The following DIS3L variants were observed in gnomAD, a reference collection of about 807,000 sequenced individuals.
The protein encoded by DIS3L is DIS3 like exosome 3'-5' exoribonuclease.
Under a neutral mutation model 120.3 loss-of-function variants are expected in DIS3L, and 100 were observed. The observed-to-expected ratio is 0.83, with a 90% confidence interval of 0.71 to 0.98. The LOEUF is 0.98. Ranked by LOEUF, DIS3L falls within the 50% of genes least tolerant of loss-of-function variation. DIS3L has a pLI of 0.00. For synonymous variants in DIS3L, 426 were observed against 470.6 expected, an observed-to-expected ratio of 0.91 and a Z score of 1.23; for missense variants, 1,196 against 1,314.2, an observed-to-expected ratio of 0.91 and a Z score of 1.39.
chr15:66,311,735 C>T lies in DIS3L; in HGVS notation c.570C>T (p.Asp190=). ...VFVITFKNYL[D]NFWPDLKAAH... ...TTTATTAAATACAGAATTACCTGGACAATTTCTGGCCTGATTTAAAAGCTG... is the reference window on the plus strand; with the variant it reads ...TTTATTAAATACAGAATTACCTGGATAATTTCTGGCCTGATTTAAAAGCTG... Residue 190 remains aspartate (D), a synonymous_variant, in exon 5 of 17, where the codon GAC becomes GAT. Coordinates refer to ENST00000319212, the MANE Select transcript of DIS3L (RefSeq NM_001143688.3). 2 of 1,614,026 alleles carry T rather than the reference C, an allele frequency of 1.2e-6. No individual in the cohort carries two copies. Among genetic ancestry groups the T allele is most frequent in the East Asian group, 4.5e-5 (2 of 44,884 alleles).
chr15:66,325,267 G>A (rs547702838), intron 11 of DIS3L, among the ~76,000 whole-genome samples: 60 of 152,178 alleles, frequency 3.9e-4, no homozygotes, highest in Non-Finnish European at 6.0e-4. Context: ...GGTGGTGCAC[G>A]CCTATAGTCC....
intron 3 of DIS3L, among the ~76,000 whole-genome samples, chr15:66,307,598 G>A (rs34161870): frequency 0.06 from 9,185 of 152,206 alleles, 367 homozygotes; most frequent in Middle Eastern, 0.11. Flanking sequence ...CACTGTGCCC[G>A]GCCAGGCTCC....
At position 66,307,096 on chromosome 15, in the gene DIS3L, A is replaced by T. The variant is rs1056538360; in HGVS notation, c.422+144A>T. ...CATGATTAACACCGAAATGCTTACC[A>T]TGTCAATATTTTAGATATATCATTT... On this transcript the variant is annotated intron_variant, in intron 3 of 16. Transcript: ENST00000319212. 10 of 1,099,682 alleles carry T rather than the reference A, an allele frequency of 9.1e-6. No individual in the cohort carries two copies. In the East Asian group the frequency reaches 2.6e-4, roughly 29 times the overall value. The allele number at this position is 1,099,682 out of a possible 1,614,324, so 68.1% of individuals were successfully genotyped here.
rs1351013663 is a variant in DIS3L, at chr15:66,311,738, T to G, written c.573T>G (p.Asn191Lys). The G allele has an allele frequency of 6.2e-7, 1 of 1,614,074 alleles. No homozygotes were observed. The highest frequency in any genetic ancestry group is 8.5e-7 in the Non-Finnish European group (1 of 1,179,978). Reference protein sequence around the residue: ...FVITFKNYLDNFWPDLKAAHE... With the variant: ...FVITFKNYLDKFWPDLKAAHE... The stretch of plus-strand genomic sequence containing the variant: ...ATTAAATACAGAATTACCTGGACAA[T>G]TTCTGGCCTGATTTAAAAGCTGCCC... The change falls in exon 5 of 17, where the codon AAT becomes AAG. Residue 191 changes from asparagine (N) to lysine (K), a missense_variant. Physicochemically the swap from Asn to Lys is moderately conservative, Grantham distance 94. Transcript: ENST00000319212.
chr15:66,332,101 A>C (rs888012925), intron 15 of DIS3L, 81 bp downstream of exon 15: 73 of 1,335,252 alleles, frequency 5.5e-5, no homozygotes, highest in Non-Finnish European at 6.0e-6. Context: ...GATATAATTT[A>C]TTAAAATATT....
intron 6 of DIS3L, 134 bp from the exon 7 acceptor site, chr15:66,314,902 A>T: frequency 1.1e-6 from 1 of 896,816 alleles, no homozygotes; most frequent in South Asian, 2.1e-5. Flanking sequence ...CAAAAGTTTG[A>T]CTCTACCTTT....
chr15:66,299,023 A>T (rs922671622), intron 2 of DIS3L, among the ~76,000 whole-genome samples: 1 of 152,162 alleles, frequency 6.6e-6, no homozygotes, highest in Admixed American at 6.5e-5. Flanking sequence ...GGAGGCAAGG[A>T]AGGGCTTTTC....
In DIS3L at chr15:66,293,914, C is replaced by T. The variant is rs1595705363; in HGVS notation, c.139+179C>T. On this transcript the variant is annotated intron_variant, in intron 1 of 16. Coordinates refer to ENST00000319212, the MANE Select transcript of DIS3L (RefSeq NM_001143688.3). ...CTCTGCCGGTGGGGACCCAGCGGCC[C>T]GGGTCCGCGGCTTCTGGGGCGCCCG... is the stretch of plus-strand genomic sequence containing the variant. 14 of 999,820 alleles carry T rather than the reference C, an allele frequency of 1.4e-5. 1 individual carries two copies. The highest frequency in any genetic ancestry group is 1.7e-5 in the African/African-American group (1 of 57,554). The allele number at this position is 999,820 out of a possible 1,614,324, so 61.9% of individuals were successfully genotyped here. A position where few individuals can be genotyped will look rare whatever the true frequency, so the allele number is the denominator to read the frequency against.
intron 2 of DIS3L, 52 bp from the exon 3 acceptor site, chr15:66,306,772 C>T: frequency 6.2e-7 from 1 of 1,606,878 alleles, no homozygotes; most frequent in Non-Finnish European, 8.5e-7. Context: ...CAAGAGATAG[C>T]AGTGGATGAG....
chr15:66,319,442 A>G (rs1157956029), intron 8 of DIS3L, among the ~76,000 whole-genome samples: 1 of 152,190 alleles, frequency 6.6e-6, no homozygotes, highest in Non-Finnish European at 1.5e-5. Context: ...TCCAGCAAGC[A>G]ATATAGAAAT....
chr15:66,309,094 A>AAAAAATATATATATAT, intron 4 of DIS3L, among the ~76,000 whole-genome samples: 403 of 15,316 alleles, frequency 0.026, 108 homozygotes, highest in Middle Eastern at 0.042. Context: ...AAAAAAAAAA[A>AAAAAATATATATATAT]ATATATATAT....
rs115118545 is a variant in DIS3L, at chr15:66,311,578, T to C, written c.559-146T>C. On this transcript the variant is annotated intron_variant, in intron 4 of 16. Coordinates refer to ENST00000319212, the MANE Select transcript of DIS3L (RefSeq NM_001143688.3). The stretch of plus-strand genomic sequence containing the variant: ...TAATGTGGTAGTAGAGAATGAATGG[T>C]GGAGTGAGGCTCAGGAAGTCCTGCT... 5.4e-4 allele frequency: 473 copies of C among 874,148 alleles called. 1 individual carries two copies. In the African/African-American group the frequency reaches 7.1e-3, roughly 13 times the overall value. The allele number at this position is 874,148 out of a possible 1,614,324, so 54.1% of individuals were successfully genotyped here. A position where few individuals can be genotyped will look rare whatever the true frequency, so the allele number is the denominator to read the frequency against.
At position 66,332,874 on chromosome 15, in the gene DIS3L, G is replaced by C. The variant is rs766216096; in HGVS notation, c.2820G>C (p.Gly940=). 3 of 1,613,326 alleles carry C rather than the reference G, an allele frequency of 1.9e-6. No homozygotes were observed. Among genetic ancestry groups the C allele is most frequent in the Non-Finnish European group, 8.5e-7 (1 of 1,179,734 alleles). ...QNKITSTTTD[G]ESVTFHLFDH... Reference sequence around the variant, plus strand: ...AAATTACCTCTACTACAACAGATGGGGAATCTGTTACGTTCCATTTGTTTG... The same window carrying C: ...AAATTACCTCTACTACAACAGATGGCGAATCTGTTACGTTCCATTTGTTTG... The change falls in exon 16 of 17, where the codon GGG becomes GGC. Residue 940 remains glycine (G), a synonymous_variant. Coordinates refer to ENST00000319212, the MANE Select transcript of DIS3L (RefSeq NM_001143688.3).
rs769295459 is a variant in DIS3L at position 66,329,416 on chromosome 15, A to G, written c.2535+17A>G. 1.3e-6 allele frequency: 2 copies of G among 1,597,438 alleles called. No homozygotes were observed. Among genetic ancestry groups the G allele is most frequent in the East Asian group, 2.2e-5 (1 of 44,664 alleles). On this transcript the variant is annotated intron_variant, in intron 14 of 16. Transcript: ENST00000319212. ...AGAAACCAAGTAAGAGGGAATTTCA[A>G]AATTCTCTTACCTGTCATCTCTTGC...
intron 3 of DIS3L, among the ~76,000 whole-genome samples, 171 bp from the exon 4 acceptor site, chr15:66,308,538 C>T (rs1439392534): frequency 6.6e-6 from 1 of 152,102 alleles, no homozygotes; most frequent in African/African-American, 2.4e-5. Flanking sequence ...TTGTATCCCC[C>T]AGAGCACCCA....
At chr15:66,324,120 A>C (rs2092913509) in intron 11 of DIS3L, among the ~76,000 whole-genome samples, 1 of 152,202 alleles carries the variant, frequency 6.6e-6, no homozygotes, top group South Asian at 2.1e-4. Context: ...TACATACATG[A>C]ATATGCATAT....
intron 11 of DIS3L, 110 bp from the exon 12 acceptor site, chr15:66,325,721 A>G: frequency 7.9e-7 from 1 of 1,271,110 alleles, no homozygotes; most frequent in Non-Finnish European, 1.1e-6. Flanking sequence ...TGATCATGCC[A>G]TTGCACTCCA....
At chr15:66,328,507 A>G (rs923725125) in intron 12 of DIS3L, among the ~76,000 whole-genome samples, 2 of 152,144 alleles carry the variant, frequency 1.3e-5, no homozygotes, top group African/African-American at 4.8e-5. Context: ...CTGGGCAACA[A>G]AGTGAGACCC....
intron 8 of DIS3L, among the ~76,000 whole-genome samples, chr15:66,319,997 G>A (rs1038972248): frequency 9.4e-5 from 14 of 149,612 alleles, no homozygotes; most frequent in Non-Finnish European, 5.9e-5. Flanking sequence ...GGTGGTACAC[G>A]CTTGTAATCC....
Sources: allele counts gnomAD v4.1 joint callset (sites outside exome capture counted in the v4.1 genomes callset), GRCh38; gene constraint gnomAD v4.1.1; transcripts MANE v1.5; gene names NCBI Gene and HGNC (gene_info 2026-07-23, HGNC 2026-07-21).